PVT1: variants seen among roughly 807,000 people sequenced by gnomAD.
PVT1 encodes the protein CXCR4/PVT1 fusion.
chr8:127,933,894 G>T (rs1816241708), intron 3 of PVT1, among the ~76,000 whole-genome samples: 1 of 152,176 alleles, frequency 6.6e-6, no homozygotes, highest in African/African-American at 2.4e-5. Context: ...GGGAATTATT[G>T]TTTGAGCCTC....
intron 4 of PVT1, among the ~76,000 whole-genome samples, chr8:128,068,489 T>A (rs1314827043): frequency 6.6e-6 from 1 of 151,714 alleles, no homozygotes; most frequent in Non-Finnish European, 1.5e-5. Context: ...TTAGAATAGG[T>A]TTTGTGTTTT....
chr8:128,048,372 C>T (rs910193616), intron 4 of PVT1: 1 of 152,290 alleles, frequency 6.6e-6, no homozygotes, highest in African/African-American at 2.4e-5. Context: ...TCACTGCTCT[C>T]CTGGGTACTA....
At chr8:128,071,807 A>C (rs1166257662) in intron 5 of PVT1, among the ~76,000 whole-genome samples, 1 of 152,104 alleles carries the variant, frequency 6.6e-6, no homozygotes. Flanking sequence ...TATTTCTACG[A>C]TCTCATAGAT....
chr8:127,896,232 C>T (rs557012167), intron 3 of PVT1, among the ~76,000 whole-genome samples: 39 of 151,884 alleles, frequency 2.6e-4, no homozygotes, highest in African/African-American at 8.9e-4. Context: ...CATGGTAAAA[C>T]GTAAAGGCAT....
intron 6 of PVT1, chr8:128,099,433 AACGGCAGCAGGAAATGTCCTCTCGCCT>A (rs1450143414): frequency 2.0e-5 from 3 of 152,262 alleles, no homozygotes; most frequent in African/African-American, 7.2e-5. Context: ...ACTGTGGGAA[AACGGCAGCAGGAAATGTCCTCTCGCCT>A]GCGTGCTCCA....
chr8:127,922,210 G>A (rs900227160), intron 3 of PVT1, among the ~76,000 whole-genome samples: 5 of 151,344 alleles, frequency 3.3e-5, no homozygotes, highest in African/African-American at 1.2e-4. Context: ...TAGTTTATGT[G>A]TAATTATAAA....
At chr8:128,075,741 G>C (rs1814079709) in intron 5 of PVT1, among the ~76,000 whole-genome samples, 1 of 152,176 alleles carries the variant, frequency 6.6e-6, no homozygotes, top group South Asian at 2.1e-4. Context: ...ATTGAGGAGT[G>C]CTATCCATGG....
At chr8:127,914,815 GTTTTTTT>G (rs1181623236) in intron 3 of PVT1, among the ~76,000 whole-genome samples, 1 of 130,812 alleles carries the variant, frequency 7.6e-6, no homozygotes, top group Non-Finnish European at 1.6e-5. Flanking sequence ...GTTGTTGTTG[GTTTTTTT>G]TTTTTTTTTT....
In PVT1 at chr8:127,872,880, T is replaced by C. The variant is rs1029270186; in HGVS notation, n.373-17709T>C. On this transcript the variant is annotated intron_variant and non_coding_transcript_variant, in intron 2 of 10. Coordinates refer to ENST00000651587, the Ensembl canonical transcript of PVT1. ...TTTGTGGTTTGAGATATATTCTTTG[T>C]CCCCACGCCTGCCCCTTGCTTCAGA... Among the ~76,000 whole-genome samples the C allele has an allele frequency of 2.6e-5, 4 of 152,324 alleles. No individual in the cohort carries two copies. In the East Asian group the frequency reaches 7.7e-4, roughly 29 times the overall value.
At chr8:127,947,109 A>G (rs1816430389) in intron 3 of PVT1, 1 of 152,772 alleles carries the variant, frequency 6.5e-6, no homozygotes, top group Non-Finnish European at 1.5e-5. Flanking sequence ...AGCCTGTCAC[A>G]TGGCAGGTAC....
intron 5 of PVT1, among the ~76,000 whole-genome samples, chr8:128,091,459 C>T (rs1016568235): frequency 9.2e-5 from 14 of 152,154 alleles, no homozygotes; most frequent in Non-Finnish European, 2.9e-5. Context: ...CTGGCTCACC[C>T]GCTCCTCCCC....
intron 4 of PVT1, among the ~76,000 whole-genome samples, chr8:128,067,991 T>C (rs1413937911): frequency 1.3e-5 from 2 of 151,088 alleles, no homozygotes; most frequent in Non-Finnish European, 2.9e-5. Flanking sequence ...AAAATCAATA[T>C]AACCACATCT....
At chr8:128,095,969 A>G (rs1368597083) in intron 5 of PVT1, among the ~76,000 whole-genome samples, 1 of 152,324 alleles carries the variant, frequency 6.6e-6, no homozygotes, top group Non-Finnish European at 1.5e-5. Context: ...TTCTTTGTAA[A>G]AAGAAACTCA....
intron 4 of PVT1, among the ~76,000 whole-genome samples, chr8:128,059,882 C>T (rs1193054300): frequency 6.6e-6 from 1 of 152,152 alleles, no homozygotes; most frequent in Non-Finnish European, 1.5e-5. Flanking sequence ...ATCGTTCAGC[C>T]ATAGGGTAAG....
At position 128,028,244 on chromosome 8, in the gene PVT1, C is replaced by T. The variant is rs577180148; in HGVS notation, n.912+38953C>T. 3.4e-4 allele frequency among the ~76,000 whole-genome samples: 52 copies of T among 152,374 alleles called. 2 individuals carry two copies. The highest frequency in any genetic ancestry group is 1.9e-3 in the South Asian group (9 of 4,830). The stretch of plus-strand genomic sequence containing the variant: ...TGCCGGCGCGCTGGCAGCTGCTTCC[C>T]GCCTTTCTGGCTCCTGGGACCTGGC... On this transcript the variant is annotated intron_variant and non_coding_transcript_variant, in intron 4 of 10. Coordinates refer to ENST00000651587, the Ensembl canonical transcript of PVT1.
rs547075892 is a variant in PVT1, at chr8:127,856,359, C to CT, written n.373-34218dup. 1.9e-3 allele frequency among the ~76,000 whole-genome samples: 279 copies of CT among 144,254 alleles called. 2 individuals carry two copies. The highest frequency in any genetic ancestry group is 0.014 in the South Asian group (63 of 4,538). 94.6% of individuals were successfully genotyped at this position (144,254 alleles called of 152,430 possible). A position where few individuals can be genotyped will look rare whatever the true frequency, so the allele number is the denominator to read the frequency against. On this transcript the variant is annotated intron_variant and non_coding_transcript_variant, in intron 2 of 10. Transcript: ENST00000651587. ...TGTACATACGTATATATTTTTTTTTCTTTTTTTTTTTTGAGACGGAGTCTT... is the reference window on the plus strand; with the variant it reads ...TGTACATACGTATATATTTTTTTTTCTTTTTTTTTTTTTGAGACGGAGTCTT...
chr8:127,979,595 G>A (rs1816860603), intron 3 of PVT1, among the ~76,000 whole-genome samples: 1 of 152,222 alleles, frequency 6.6e-6, no homozygotes, highest in Non-Finnish European at 1.5e-5. Context: ...TTGGGCAGAG[G>A]GAGAAGTGGA....
intron 3 of PVT1, among the ~76,000 whole-genome samples, chr8:127,930,225 T>G (rs1816187984): frequency 6.6e-6 from 1 of 152,190 alleles, no homozygotes; most frequent in African/African-American, 2.4e-5. Context: ...GGCATGATCT[T>G]AGCTCACTAC....
At chr8:127,926,822 G>A (rs1304562775) in intron 3 of PVT1, among the ~76,000 whole-genome samples, 2 of 152,148 alleles carry the variant, frequency 1.3e-5, no homozygotes, top group African/African-American at 4.8e-5. Context: ...TCTCTTTTCA[G>A]TTCTGTTCTG....
Sources: allele counts gnomAD v4.1 joint callset (sites outside exome capture counted in the v4.1 genomes callset), GRCh38; gene constraint gnomAD v4.1.1; transcripts MANE v1.5; gene names NCBI Gene and HGNC (gene_info 2026-07-23, HGNC 2026-07-21).